Variants in ADGRL2 observed in about 807,000 individuals in gnomAD.
ADGRL2 encodes calcium-independent alpha-latrotoxin receptor 2.
In ADGRL2, 44 loss-of-function variants were observed where a neutral mutation model predicts 157.4. That is an observed-to-expected ratio of 0.28 (90% CI 0.22 to 0.36). The LOEUF (loss-of-function observed/expected upper bound fraction) is 0.36. Among genes scored for constraint, ADGRL2 ranks in the 10% least tolerant of loss-of-function variants. The pLI, the probability that ADGRL2 is intolerant of heterozygous loss-of-function variation, is 1.00. For synonymous variants in ADGRL2, 585 were observed against 624.7 expected (o/e 0.94, Z 0.95); for missense variants, 1,510 against 1,768.9 (o/e 0.85, Z 2.63).
intron 3 of ADGRL2, among the ~76,000 whole-genome samples, chr1:81,675,417 T>C (rs1032038004): frequency 1.3e-4 from 20 of 152,192 alleles, no homozygotes; most frequent in Non-Finnish European, 2.5e-4. Context: ...TTAATTCTAA[T>C]GGACTCCACT....
At chr1:81,815,519 A>G (rs1198429382) in intron 1 of ADGRL2, among the ~76,000 whole-genome samples, 1 of 151,844 alleles carries the variant, frequency 6.6e-6, no homozygotes, top group Non-Finnish European at 1.5e-5. Context: ...GTATTCAAGA[A>G]TACATTCCAA....
intron 2 of ADGRL2, among the ~76,000 whole-genome samples, chr1:81,559,862 C>T (rs969334433): frequency 6.6e-6 from 1 of 152,162 alleles, no homozygotes; most frequent in Non-Finnish European, 1.5e-5. Flanking sequence ...ACATCATAAA[C>T]ATCTTTAATA....
chr1:81,431,210 A>C (rs1468751678), intron 1 of ADGRL2, among the ~76,000 whole-genome samples: 1 of 152,108 alleles, frequency 6.6e-6, no homozygotes, highest in African/African-American at 2.4e-5. Flanking sequence ...TTTTGGAGGT[A>C]GGGTGGGGAG....
At chr1:81,622,221 T>C (rs913433393) in intron 3 of ADGRL2, among the ~76,000 whole-genome samples, 1 of 152,198 alleles carries the variant, frequency 6.6e-6, no homozygotes, top group Non-Finnish European at 1.5e-5. Flanking sequence ...ACTAATATTG[T>C]CCATTATTCC....
rs1053991845 is a variant in ADGRL2 at position 81,669,785 on chromosome 1, A to C, written c.-143+88805A>C. Among the ~76,000 whole-genome samples the C allele has an allele frequency of 5.9e-5, 9 of 152,186 alleles. No homozygotes were observed. In the East Asian group the frequency reaches 9.7e-4, roughly 16 times the overall value. ...GTGAAACCCTGTCTCTACTAAAAAT[A>C]CAAAAAAATTAGCCAGGCATGGTGG... On this transcript the variant is annotated intron_variant, in intron 3 of 24. Transcript: ENST00000370721.
chr1:81,325,364 A>G (rs574676062), intron 1 of ADGRL2, among the ~76,000 whole-genome samples: 1 of 152,302 alleles, frequency 6.6e-6, no homozygotes, highest in Admixed American at 6.5e-5. Flanking sequence ...GTAACACTGA[A>G]CTGGAGTCTT....
At chr1:81,316,618 C>T (rs992630096) in intron 1 of ADGRL2, among the ~76,000 whole-genome samples, 3 of 152,240 alleles carry the variant, frequency 2.0e-5, no homozygotes, top group South Asian at 2.1e-4. Flanking sequence ...ACATGGTATA[C>T]GCAAGGTTGA....
chr1:81,353,629 G>T (rs1036082276), intron 1 of ADGRL2, among the ~76,000 whole-genome samples: 32 of 152,284 alleles, frequency 2.1e-4, no homozygotes, highest in African/African-American at 7.5e-4. Context: ...GATGTAGAAA[G>T]GTGAAGAAGA....
chr1:81,596,183 C>A, intron 3 of ADGRL2: 1 of 519,748 alleles, frequency 1.9e-6, no homozygotes, highest in South Asian at 1.6e-5. Context: ...TCCACTTTAA[C>A]TCCTGGCTCA....
At chr1:81,434,093 C>T (rs1483643347) in intron 1 of ADGRL2, among the ~76,000 whole-genome samples, 2 of 152,134 alleles carry the variant, frequency 1.3e-5, no homozygotes, top group East Asian at 1.9e-4. Flanking sequence ...TTCTGCCCCA[C>T]TCTATGCATC....
intron 3 of ADGRL2, among the ~76,000 whole-genome samples, chr1:81,681,693 C>T (rs981456216): frequency 6.6e-6 from 1 of 152,184 alleles, no homozygotes; most frequent in African/African-American, 2.4e-5. Flanking sequence ...AATTTTAGTT[C>T]AGCCTTGAGA....
chr1:81,658,462 C>T (rs1234221493), intron 3 of ADGRL2, among the ~76,000 whole-genome samples: 2 of 152,130 alleles, frequency 1.3e-5, no homozygotes, highest in Non-Finnish European at 2.9e-5. Context: ...ACTTTTGTTA[C>T]ACAGATATGT....
intron 1 of ADGRL2, among the ~76,000 whole-genome samples, chr1:81,353,637 A>G (rs1663073496): frequency 6.6e-6 from 1 of 152,228 alleles, no homozygotes; most frequent in Non-Finnish European, 1.5e-5. Flanking sequence ...AAGGTGAAGA[A>G]GAGAAAAAAA....
intron 10 of ADGRL2, among the ~76,000 whole-genome samples, chr1:81,954,379 T>C (rs2149114884): frequency 6.6e-6 from 1 of 152,330 alleles, no homozygotes; most frequent in Admixed American, 6.5e-5. Flanking sequence ...AATTTCAGCA[T>C]GACCTTAATT....
intron 2 of ADGRL2, among the ~76,000 whole-genome samples, chr1:81,867,961 C>T (rs921392874): frequency 6.6e-6 from 1 of 151,890 alleles, no homozygotes; most frequent in African/African-American, 2.4e-5. Context: ...CTGGGCAACC[C>T]TCCCAGATAA....
At chr1:81,793,541 A>T (rs1453219364) in intron 2 of ADGRL2, among the ~76,000 whole-genome samples, 1 of 152,134 alleles carries the variant, frequency 6.6e-6, no homozygotes, top group Non-Finnish European at 1.5e-5. Flanking sequence ...ACTAACTGAA[A>T]AATTCAGGCA....
At chr1:81,508,372 A>G (rs959278853) in intron 2 of ADGRL2, among the ~76,000 whole-genome samples, 1 of 152,014 alleles carries the variant, frequency 6.6e-6, no homozygotes, top group African/African-American at 2.4e-5. Flanking sequence ...CATCACCCCT[A>G]CCTCAGTCAC....
intron 6 of ADGRL2, 40 bp from the exon 7 acceptor site, chr1:81,950,149 G>A (rs766302002): frequency 6.4e-7 from 1 of 1,554,962 alleles, no homozygotes; most frequent in Non-Finnish European, 8.8e-7. Context: ...GTGAGTGCAA[G>A]TGTGTGTTTG....
intron 1 of ADGRL2, among the ~76,000 whole-genome samples, chr1:81,326,480 A>G (rs1427059362): frequency 6.6e-6 from 1 of 152,210 alleles, no homozygotes; most frequent in Non-Finnish European, 1.5e-5. Flanking sequence ...GTTATTTGTC[A>G]TATACTAACT....
Sources: gnomAD v4.1 joint callset for allele counts (sites outside exome capture counted in the v4.1 genomes callset) on GRCh38, gnomAD v4.1.1 for gene constraint, MANE v1.5 for transcripts, NCBI Gene and HGNC (gene_info 2026-07-23, HGNC 2026-07-21) for gene names.